Variants in ZSWIM6 observed in about 807,000 individuals in gnomAD.
ZSWIM6 encodes zinc finger SWIM domain-containing protein 6.
ZSWIM6 carries 9 observed loss-of-function variants against 113.2 expected under a neutral mutation model. The ratio of observed to expected loss-of-function variants is 0.08; its 90% CI spans 0.05 to 0.14. ZSWIM6 has a LOEUF of 0.14. ZSWIM6 is among the 10% of genes least tolerant of loss of function. ZSWIM6 has a pLI of 1.00. For synonymous variants in ZSWIM6, 611 were observed against 606.5 expected, an observed-to-expected ratio of 1.01 and a Z score of -0.11; for missense variants, 1,162 against 1,552.2, an observed-to-expected ratio of 0.75 and a Z score of 4.22.
At chr5:61,420,139 A>G (rs1323018746) in intron 1 of ZSWIM6, among the ~76,000 whole-genome samples, 4 of 152,260 alleles carry the variant, frequency 2.6e-5, no homozygotes, top group African/African-American at 9.6e-5. Context: ...TTAATTTGCA[A>G]GAGTAATCTT....
rs564720060 is a variant in ZSWIM6, at chr5:61,393,233, A to G, written c.676+60285A>G. 1.8e-4 allele frequency among the ~76,000 whole-genome samples: 27 copies of G among 151,054 alleles called. 1 individual carries two copies. The highest frequency in any genetic ancestry group is 6.6e-4 in the African/African-American group (27 of 41,142). On this transcript the variant is annotated intron_variant, in intron 1 of 13. Transcript: ENST00000252744. ...TTTTTTTTTTTTGTATTTTTAGTAG[A>G]GACGGGGTTTCACCACACTGGTCAG...
chr5:61,364,162 C>T (rs556149291), intron 1 of ZSWIM6, among the ~76,000 whole-genome samples: 10 of 152,074 alleles, frequency 6.6e-5, no homozygotes, highest in South Asian at 2.1e-4. Flanking sequence ...CTCCCACCTC[C>T]GCCTCCTGAG....
At position 61,505,599 on chromosome 5, in the gene ZSWIM6, T is replaced by TTTCCTTCCTTCCTTCC. The variant is rs1554038978; in HGVS notation, c.1333+11190_1333+11191insTCCTTCCTTCCTTCCT. On this transcript the variant is annotated intron_variant, in intron 4 of 13. Coordinates refer to ENST00000252744, the MANE Select transcript of ZSWIM6 (RefSeq NM_020928.2). ...TTAATTGTTTTGGAATATCTATGAT[T>TTTCCTTCCTTCCTTCC]TACCTTCCTTCCTTCCTTCCTTCCT... Among the ~76,000 whole-genome samples, 14 of 119,974 alleles carry TTTCCTTCCTTCCTTCC rather than the reference T, an allele frequency of 1.2e-4. 1 individual carries two copies. The highest frequency in any genetic ancestry group is 8.9e-4 in the South Asian group (3 of 3,382). The allele number at this position is 119,974 out of a possible 152,430, so 78.7% of individuals were successfully genotyped here. A position where few individuals can be genotyped will look rare whatever the true frequency, so the allele number is the denominator to read the frequency against.
intron 4 of ZSWIM6, among the ~76,000 whole-genome samples, chr5:61,502,697 A>T (rs1016991734): frequency 2.6e-5 from 4 of 152,310 alleles, no homozygotes; most frequent in Non-Finnish European, 4.4e-5. Context: ...ACATAGCAGG[A>T]GGTGAGTGGT....
intron 7 of ZSWIM6, among the ~76,000 whole-genome samples, chr5:61,529,310 C>CT (rs747858617): frequency 2.0e-5 from 3 of 152,192 alleles, no homozygotes; most frequent in Non-Finnish European, 4.4e-5. Flanking sequence ...TTAAACATAG[C>CT]TTTTTTTCCC....
At chr5:61,388,474 G>A (rs533888095) in intron 1 of ZSWIM6, among the ~76,000 whole-genome samples, 1 of 152,248 alleles carries the variant, frequency 6.6e-6, no homozygotes, top group Non-Finnish European at 1.5e-5. Flanking sequence ...TTTCCTCTTG[G>A]AAGTTGGAAC....
chr5:61,380,710 G>T (rs1054646813), intron 1 of ZSWIM6, among the ~76,000 whole-genome samples: 4 of 152,136 alleles, frequency 2.6e-5, no homozygotes, highest in African/African-American at 9.7e-5. Flanking sequence ...ATACTGTTAT[G>T]CACTGGCCAT....
intron 1 of ZSWIM6, among the ~76,000 whole-genome samples, chr5:61,414,761 A>G (rs1002943060): frequency 2.6e-5 from 4 of 152,172 alleles, no homozygotes; most frequent in Non-Finnish European, 5.9e-5. Context: ...GAATAAGATT[A>G]TTTATGTTTC....
At chr5:61,501,237 TG>T (rs1748458714) in intron 4 of ZSWIM6, among the ~76,000 whole-genome samples, 1 of 152,112 alleles carries the variant, frequency 6.6e-6, no homozygotes, top group Admixed American at 6.6e-5. Flanking sequence ...TGCCCTGCTG[TG>T]GGGGTGGAAA....
chr5:61,333,125 C>T (rs1156699959), intron 1 of ZSWIM6, among the ~76,000 whole-genome samples, 177 bp downstream of exon 1: 1 of 151,820 alleles, frequency 6.6e-6, no homozygotes, highest in African/African-American at 2.4e-5. Flanking sequence ...TCCCTCCCTT[C>T]CCTGCCCCCC....
chr5:61,441,519 A>C (rs574885842), intron 1 of ZSWIM6, among the ~76,000 whole-genome samples: 2 of 152,288 alleles, frequency 1.3e-5, no homozygotes, highest in South Asian at 4.1e-4. Context: ...GAATATTACT[A>C]TCAGAAATAA....
At chr5:61,494,532 G>T in intron 4 of ZSWIM6, 122 bp downstream of exon 4, 1 of 1,280,734 alleles carries the variant, frequency 7.8e-7, no homozygotes, top group Non-Finnish European at 1.1e-6. Flanking sequence ...GGAACGTGTT[G>T]CCAATATATA....
chr5:61,332,287 A>G lies in ZSWIM6; in HGVS notation c.15A>G (p.Gly5=), dbSNP rs1444795610. The part of the protein sequence containing the change: MAER[G]QQPPPAKRLC... ...GCGGCGCGGTCATGGCGGAGCGCGGACAGCAGCCTCCTCCCGCGAAACGGC... is the reference window on the plus strand; with the variant it reads ...GCGGCGCGGTCATGGCGGAGCGCGGGCAGCAGCCTCCTCCCGCGAAACGGC... The change falls in exon 1 of 14, where the codon GGA becomes GGG. Residue 5 remains glycine, a synonymous_variant. Coordinates refer to ENST00000252744, the MANE Select transcript of ZSWIM6 (RefSeq NM_020928.2). The G allele has an allele frequency of 6.9e-6, 8 of 1,163,406 alleles. No homozygotes were observed. In the East Asian group the frequency reaches 1.9e-4, roughly 28 times the overall value. The allele number at this position is 1,163,406 out of a possible 1,614,324, so 72.1% of individuals were successfully genotyped here.
intron 5 of ZSWIM6, among the ~76,000 whole-genome samples, chr5:61,524,703 C>A: frequency 6.6e-6 from 1 of 152,148 alleles, no homozygotes; most frequent in East Asian, 1.9e-4. Flanking sequence ...AGCCAAAGGT[C>A]CGGTGACAGG....
chr5:61,510,782 A>C (rs144224854), intron 4 of ZSWIM6, among the ~76,000 whole-genome samples: 4 of 152,272 alleles, frequency 2.6e-5, no homozygotes, highest in African/African-American at 9.6e-5. Flanking sequence ...TTCATAGCAA[A>C]TAATTAAGTG....
rs1039992513 is a variant in ZSWIM6, at chr5:61,540,929, T to G, written c.2704-955T>G. 7.6e-4 allele frequency among the ~76,000 whole-genome samples: 82 copies of G among 107,776 alleles called. 1 individual carries two copies. The highest frequency in any genetic ancestry group is 4.4e-3 in the Middle Eastern group (1 of 226). The allele number at this position is 107,776 out of a possible 152,430, so 70.7% of individuals were successfully genotyped here. ...GATATTTTGTGGGTTTTTTTTTTTTTTTTTTTTTGTTGTTGTTGTTGTTTT... is the reference window on the plus strand; with the variant it reads ...GATATTTTGTGGGTTTTTTTTTTTTGTTTTTTTTGTTGTTGTTGTTGTTTT... On this transcript the variant is annotated intron_variant, in intron 12 of 13. Coordinates refer to ENST00000252744, the MANE Select transcript of ZSWIM6 (RefSeq NM_020928.2).
intron 1 of ZSWIM6, among the ~76,000 whole-genome samples, chr5:61,380,798 A>G (rs1167792388): frequency 3.3e-5 from 5 of 152,178 alleles, no homozygotes; most frequent in African/African-American, 4.8e-5. Flanking sequence ...AATTGTTACT[A>G]CAAGCATAAA....
chr5:61,530,561 T>G (rs996270158), intron 8 of ZSWIM6, among the ~76,000 whole-genome samples: 2 of 152,248 alleles, frequency 1.3e-5, no homozygotes, highest in African/African-American at 4.8e-5. Context: ...TAGGTGCTTT[T>G]CAAATTTGTC....
intron 4 of ZSWIM6, among the ~76,000 whole-genome samples, chr5:61,498,889 T>C (rs1447897530): frequency 6.6e-6 from 1 of 152,126 alleles, no homozygotes; most frequent in Non-Finnish European, 1.5e-5. Context: ...TGTGGAGAAA[T>C]TTCTGGGGAA....
Sources: allele counts gnomAD v4.1 joint callset (sites outside exome capture counted in the v4.1 genomes callset), GRCh38; gene constraint gnomAD v4.1.1; transcripts MANE v1.5; gene names NCBI Gene and HGNC (gene_info 2026-07-23, HGNC 2026-07-21).